The following SCHIP1 variants were observed in gnomAD, a reference collection of about 807,000 sequenced individuals.
SCHIP1 encodes schwannomin interacting protein 1.
In SCHIP1, 8 loss-of-function variants were observed where a neutral mutation model predicts 29.7. That is an observed-to-expected ratio of 0.27 (90% CI 0.16 to 0.49). The LOEUF (loss-of-function observed/expected upper bound fraction) is 0.49. Ranked by LOEUF, SCHIP1 falls within the 20% of genes least tolerant of loss-of-function variation. SCHIP1 has a pLI of 0.99. For synonymous variants in SCHIP1, 76 were observed against 94.9 expected (o/e 0.80, Z 1.16); for missense variants, 193 against 294.6 (o/e 0.66, Z 2.52).
chr3:159,544,207 AT>A, the SCHIP1 span, among the ~76,000 whole-genome samples: 6 of 152,066 alleles, frequency 3.9e-5, no homozygotes, highest in African/African-American at 1.4e-4. Context: ...GTGTATATAT[AT>A]ATGAACTATT....
At chr3:159,888,825 A>G (rs947827210) in exon 5 of SCHIP1, 1 of 1,613,916 alleles carries the variant, frequency 6.2e-7, no homozygotes, top group Non-Finnish European at 8.5e-7. Flanking sequence ...TTCAGCTGCC[A>G]CACATGCCTC....
At chr3:159,544,878 A>G in the SCHIP1 span, among the ~76,000 whole-genome samples, 47 of 152,230 alleles carry the variant, frequency 3.1e-4, no homozygotes, top group African/African-American at 1.1e-3. Context: ...ATCTTTTCAT[A>G]TATGGTATCT....
the SCHIP1 span, among the ~76,000 whole-genome samples, chr3:159,501,646 T>C: frequency 6.6e-6 from 1 of 152,204 alleles, no homozygotes; most frequent in Non-Finnish European, 1.5e-5. Context: ...AGCAGAGTAA[T>C]ACTTTTTTCT....
chr3:159,348,295 A>T, the SCHIP1 span, among the ~76,000 whole-genome samples: 5 of 152,126 alleles, frequency 3.3e-5, no homozygotes, highest in Non-Finnish European at 7.4e-5. Flanking sequence ...TGTAGTAAGA[A>T]AGTTAAGTAT....
the SCHIP1 span, among the ~76,000 whole-genome samples, chr3:159,703,787 A>G: frequency 1.6e-4 from 25 of 152,328 alleles, no homozygotes; most frequent in Admixed American, 1.2e-3. Flanking sequence ...TTTGGACAAA[A>G]GTCATTCTGG....
the SCHIP1 span, among the ~76,000 whole-genome samples, chr3:159,481,790 C>T: frequency 8.5e-5 from 13 of 152,300 alleles, no homozygotes; most frequent in South Asian, 2.5e-3. Context: ...CTATACTTAA[C>T]ATTTCTTGTT....
At chr3:159,430,220 G>A in the SCHIP1 span, among the ~76,000 whole-genome samples, 35 of 152,224 alleles carry the variant, frequency 2.3e-4, no homozygotes, top group African/African-American at 8.2e-4. Context: ...TTTCATGTAA[G>A]CTCTGGTTGT....
the SCHIP1 span, among the ~76,000 whole-genome samples, chr3:159,372,492 ATTT>A: frequency 6.6e-6 from 1 of 152,096 alleles, no homozygotes; most frequent in African/African-American, 2.4e-5. Flanking sequence ...ATTTTAGAAT[ATTT>A]TTTAAGTGAG....
the SCHIP1 span, among the ~76,000 whole-genome samples, chr3:159,583,210 G>A: frequency 6.6e-6 from 1 of 152,018 alleles, no homozygotes. Flanking sequence ...GGATTTTCTA[G>A]GGTATGTAAG....
At chr3:159,784,303 A>G in the SCHIP1 span, among the ~76,000 whole-genome samples, 1 of 152,240 alleles carries the variant, frequency 6.6e-6, no homozygotes, top group Non-Finnish European at 1.5e-5. Context: ...AGAAAGAATG[A>G]AAGAGAGAAA....
chr3:159,427,123 C>T, the SCHIP1 span, among the ~76,000 whole-genome samples: 2 of 152,136 alleles, frequency 1.3e-5, no homozygotes, highest in East Asian at 1.9e-4. Flanking sequence ...TGGAAGCATT[C>T]CCTTTGAAAA....
chr3:159,889,637 A>C (rs1717293894), intron 5 of SCHIP1, among the ~76,000 whole-genome samples: 1 of 152,386 alleles, frequency 6.6e-6, no homozygotes, highest in South Asian at 2.1e-4. Context: ...GGTATTACAG[A>C]TTAAAAGAAA....
At chr3:159,598,169 CAG>C in the SCHIP1 span, among the ~76,000 whole-genome samples, 7 of 152,164 alleles carry the variant, frequency 4.6e-5, no homozygotes, top group Non-Finnish European at 1.5e-5. Flanking sequence ...GGTGGGGACA[CAG>C]AGTCAAACCA....
chr3:159,505,132 T>C, the SCHIP1 span, among the ~76,000 whole-genome samples: 18 of 152,124 alleles, frequency 1.2e-4, no homozygotes, highest in African/African-American at 4.3e-4. Flanking sequence ...AGATGAGATG[T>C]AGAGTGGGAG....
At chr3:159,276,792 A>C in the SCHIP1 span, among the ~76,000 whole-genome samples, 1 of 152,220 alleles carries the variant, frequency 6.6e-6, no homozygotes, top group South Asian at 2.1e-4. Context: ...ACTTTGACTA[A>C]TTTTTCAAAT....
the SCHIP1 span, among the ~76,000 whole-genome samples, chr3:159,574,327 C>T: frequency 8.3e-4 from 126 of 152,318 alleles, no homozygotes; most frequent in African/African-American, 2.9e-3. Flanking sequence ...GATGTTGATG[C>T]TATTCCTTTC....
the SCHIP1 span, among the ~76,000 whole-genome samples, chr3:159,737,734 C>T: frequency 6.6e-6 from 1 of 152,054 alleles, no homozygotes; most frequent in East Asian, 1.9e-4. Context: ...TCCATGATTC[C>T]AGGGCTGGCA....
the SCHIP1 span, among the ~76,000 whole-genome samples, chr3:159,401,991 G>A: frequency 6.6e-6 from 1 of 151,944 alleles, no homozygotes; most frequent in Non-Finnish European, 1.5e-5. Context: ...GAGTGAACAG[G>A]CAACCTACAG....
the SCHIP1 span, among the ~76,000 whole-genome samples, chr3:159,308,137 A>G: frequency 6.6e-6 from 1 of 152,076 alleles, no homozygotes; most frequent in African/African-American, 2.4e-5. Flanking sequence ...TGATAGGAAT[A>G]GCATTGAATC....
Sources: gnomAD v4.1 joint callset for allele counts (sites outside exome capture counted in the v4.1 genomes callset) on GRCh38, gnomAD v4.1.1 for gene constraint, MANE v1.5 for transcripts, NCBI Gene and HGNC (gene_info 2026-07-23, HGNC 2026-07-21) for gene names.